Variants in MAPK10 observed in about 807,000 individuals in gnomAD.
MAPK10 encodes the protein JNK3 alpha protein kinase.
MAPK10 carries 25 observed loss-of-function variants against 59.3 expected under a neutral mutation model. That is an observed-to-expected ratio of 0.42 (90% CI 0.31 to 0.59). MAPK10 has a LOEUF of 0.59. Ranked by LOEUF, MAPK10 falls within the 20% of genes least tolerant of loss-of-function variation. MAPK10 has a pLI of 0.15. For synonymous variants in MAPK10, 190 were observed against 200.5 expected (o/e 0.95, Z 0.44); for missense variants, 351 against 568.9 (o/e 0.62, Z 3.90).
chr4:86,367,443 G>A (rs568568644), intron 1 of MAPK10, among the ~76,000 whole-genome samples: 1 of 151,860 alleles, frequency 6.6e-6, no homozygotes, highest in Non-Finnish European at 1.5e-5. Context: ...CAGTTCAAAA[G>A]TTTCAGAAAT....
At chr4:86,300,478 A>C (rs2095448069) in intron 2 of MAPK10, 1 of 152,192 alleles carries the variant, frequency 6.6e-6, no homozygotes. Flanking sequence ...TTTCAAAGAA[A>C]AAAAAAAGCC....
At chr4:86,509,000 T>A (rs1053411046) in intron 1 of MAPK10, among the ~76,000 whole-genome samples, 4 of 152,204 alleles carry the variant, frequency 2.6e-5, no homozygotes. Flanking sequence ...GAAACTGCAA[T>A]CAACTATAGA....
chr4:86,241,857 G>A (rs1464527023), intron 2 of MAPK10, among the ~76,000 whole-genome samples: 3 of 152,112 alleles, frequency 2.0e-5, no homozygotes, highest in Non-Finnish European at 4.4e-5. Context: ...CCTCTGTCTA[G>A]TTCTTCACCT....
chr4:86,588,793 T>G lies in MAPK10; in HGVS notation c.-263+5117A>C, dbSNP rs115318958. 2.6e-3 allele frequency among the ~76,000 whole-genome samples: 397 copies of G among 152,342 alleles called. 3 individuals carry two copies. The highest frequency in any genetic ancestry group is 9.3e-3 in the African/African-American group (385 of 41,580). On this transcript the variant is annotated intron_variant, in intron 1 of 4. Transcript: ENST00000502302. ...TTATTATATTTTATGTAGTAAAATG[T>G]ACAAATTATTTTAAGTTTTTGGTTT...
At chr4:86,071,431 C>T (rs909013837) in intron 9 of MAPK10, among the ~76,000 whole-genome samples, 9 of 127,840 alleles carry the variant, frequency 7.0e-5, no homozygotes, top group African/African-American at 1.3e-4. Flanking sequence ...CTTTTGTTGC[C>T]GTTGCTTTTG....
chr4:86,195,591 C>A (rs1319571643), intron 2 of MAPK10, among the ~76,000 whole-genome samples: 2 of 152,072 alleles, frequency 1.3e-5, no homozygotes, highest in South Asian at 4.2e-4. Flanking sequence ...TTTTATTATA[C>A]TTTAAGTACT....
chr4:86,429,473 A>G (rs1747745944), intron 1 of MAPK10, among the ~76,000 whole-genome samples: 1 of 152,204 alleles, frequency 6.6e-6, no homozygotes, highest in Non-Finnish European at 1.5e-5. Flanking sequence ...ATTATCATAT[A>G]TAATTAGATC....
At chr4:86,531,082 A>G (rs984721439) in intron 1 of MAPK10, among the ~76,000 whole-genome samples, 3 of 152,194 alleles carry the variant, frequency 2.0e-5, no homozygotes, top group Non-Finnish European at 4.4e-5. Flanking sequence ...ATCACTTGGC[A>G]CATCCCTTTT....
intron 11 of MAPK10, among the ~76,000 whole-genome samples, chr4:86,049,330 C>T (rs968924156): frequency 2.2e-4 from 33 of 151,838 alleles, no homozygotes; most frequent in African/African-American, 7.3e-4. Flanking sequence ...AATAATAAGG[C>T]GTTACCATTG....
intron 9 of MAPK10, among the ~76,000 whole-genome samples, chr4:86,070,337 G>T (rs536377248): frequency 6.7e-6 from 1 of 149,698 alleles, no homozygotes; most frequent in Non-Finnish European, 1.5e-5. Context: ...TTGAGCACAT[G>T]ATTTTTCTTT....
At chr4:86,060,414 A>T (rs375297417) in intron 11 of MAPK10, among the ~76,000 whole-genome samples, 75 of 152,304 alleles carry the variant, frequency 4.9e-4, no homozygotes, top group African/African-American at 1.8e-3. Context: ...CTATTTAAAA[A>T]AAATAGTTAC....
At chr4:86,115,650 G>A (rs775686926) in intron 4 of MAPK10, among the ~76,000 whole-genome samples, 10 of 151,994 alleles carry the variant, frequency 6.6e-5, no homozygotes, top group Admixed American at 1.3e-4. Flanking sequence ...TAGTAGAGAC[G>A]GGGTTTCTCC....
intron 9 of MAPK10, among the ~76,000 whole-genome samples, chr4:86,072,216 T>G (rs1390861741): frequency 6.6e-6 from 1 of 150,614 alleles, no homozygotes; most frequent in Non-Finnish European, 1.5e-5. Flanking sequence ...TGTATAAGAA[T>G]GCTTGTGATT....
chr4:86,352,904 C>A (rs1387889255), intron 2 of MAPK10, among the ~76,000 whole-genome samples: 1 of 152,178 alleles, frequency 6.6e-6, no homozygotes, highest in Admixed American at 6.5e-5. Flanking sequence ...TGGCACATGT[C>A]TTGTATCCCT....
chr4:86,515,964 T>C (rs568848636), intron 1 of MAPK10, among the ~76,000 whole-genome samples: 1 of 151,794 alleles, frequency 6.6e-6, no homozygotes, highest in African/African-American at 2.4e-5. Flanking sequence ...CCTAAGCCAA[T>C]GTCTAGAAGA....
chr4:86,184,174 G>A (rs1000539123), intron 3 of MAPK10, among the ~76,000 whole-genome samples: 2 of 152,078 alleles, frequency 1.3e-5, no homozygotes, highest in African/African-American at 4.8e-5. Flanking sequence ...TTTGTCTTTT[G>A]TTGCCATTGC....
intron 2 of MAPK10, among the ~76,000 whole-genome samples, chr4:86,328,740 C>T (rs2096081154): frequency 6.6e-6 from 1 of 152,118 alleles, no homozygotes; most frequent in Admixed American, 6.6e-5. Flanking sequence ...CCTCAGCAAA[C>T]TAACACAGGA....
At chr4:86,278,713 T>A (rs2094681531) in intron 2 of MAPK10, among the ~76,000 whole-genome samples, 1 of 152,144 alleles carries the variant, frequency 6.6e-6, no homozygotes, top group South Asian at 2.1e-4. Context: ...TAATATGACA[T>A]ATCAATGTTA....
chr4:86,560,492 C>G (rs1486807982), intron 1 of MAPK10, among the ~76,000 whole-genome samples: 1 of 152,226 alleles, frequency 6.6e-6, no homozygotes, highest in South Asian at 2.1e-4. Flanking sequence ...ATTAGTTACA[C>G]TCCTTTGTCA....
Sources: gnomAD v4.1 joint callset for allele counts (sites outside exome capture counted in the v4.1 genomes callset) on GRCh38, gnomAD v4.1.1 for gene constraint, MANE v1.5 for transcripts, NCBI Gene and HGNC (gene_info 2026-07-23, HGNC 2026-07-21) for gene names.